Variants in WWOX observed in about 807,000 individuals in gnomAD.
WWOX encodes the protein WW domain containing oxidoreductase.
A neutral mutation model predicts 46.2 loss-of-function variants in WWOX; 69 were observed. That is an observed-to-expected ratio of 1.49 (90% confidence interval 1.23 to 1.82). The LOEUF (loss-of-function observed/expected upper bound fraction) is 1.82, where lower values mean the gene tolerates loss of function less well. Among genes scored for constraint, WWOX ranks in the 40% most tolerant of loss-of-function variants. The pLI is 0.00. For missense variants in WWOX, 919 were observed against 542.6 expected (o/e 1.69, Z -6.89); for synonymous variants, 359 against 202.6 (o/e 1.77, Z -6.56).
At chr16:78,662,883 C>A (rs2047249875) in intron 8 of WWOX, among the ~76,000 whole-genome samples, 1 of 152,134 alleles carries the variant, frequency 6.6e-6, no homozygotes, top group Non-Finnish European at 1.5e-5. Context: ...TGTAACGTGG[C>A]AGCTGACTTT....
At chr16:78,291,822 C>G (rs2079863511) in intron 5 of WWOX, among the ~76,000 whole-genome samples, 1 of 152,156 alleles carries the variant, frequency 6.6e-6, no homozygotes, top group Admixed American at 6.5e-5. Flanking sequence ...TGAAACCAGG[C>G]AAGAAGCCAT....
At chr16:78,182,569 C>T (rs1299291840) in intron 5 of WWOX, among the ~76,000 whole-genome samples, 3 of 152,018 alleles carry the variant, frequency 2.0e-5, no homozygotes, top group Non-Finnish European at 4.4e-5. Flanking sequence ...CCTGCCCTCC[C>T]TTCCTTCTTT....
At chr16:78,654,883 G>A (rs576706529) in intron 8 of WWOX, among the ~76,000 whole-genome samples, 220 of 151,886 alleles carry the variant, frequency 1.4e-3, no homozygotes, top group Non-Finnish European at 2.0e-3. Context: ...TTTCTTGGTG[G>A]GGGGGATGCA....
intron 4 of WWOX, among the ~76,000 whole-genome samples, chr16:78,152,785 C>T (rs1293541440): frequency 3.9e-5 from 6 of 152,234 alleles, no homozygotes; most frequent in Admixed American, 3.9e-4. Flanking sequence ...ATTTATTGTA[C>T]AGCTTTACAA....
intron 8 of WWOX, among the ~76,000 whole-genome samples, chr16:78,628,676 A>G (rs1283280188): frequency 2.0e-5 from 3 of 151,796 alleles, no homozygotes; most frequent in Admixed American, 2.0e-4. Context: ...CACCATGGTC[A>G]CTCCGTGCTT....
chr16:79,071,465 C>G (rs2048549751), intron 8 of WWOX, among the ~76,000 whole-genome samples: 1 of 152,188 alleles, frequency 6.6e-6, no homozygotes, highest in Non-Finnish European at 1.5e-5. Context: ...ACCAATTACC[C>G]AAACCAAGTT....
chr16:78,866,449 C>G (rs1214754273), intron 8 of WWOX, among the ~76,000 whole-genome samples: 2 of 145,210 alleles, frequency 1.4e-5, no homozygotes, highest in Non-Finnish European at 3.0e-5. Flanking sequence ...TTTTTTTTTT[C>G]TTGCATATCA....
intron 8 of WWOX, among the ~76,000 whole-genome samples, chr16:78,554,400 C>T (rs753665161): frequency 6.6e-6 from 1 of 152,106 alleles, no homozygotes; most frequent in East Asian, 1.9e-4. Context: ...AAAATTGCAA[C>T]CTGAGGCATA....
At chr16:78,791,459 G>C (rs910987477) in intron 8 of WWOX, among the ~76,000 whole-genome samples, 3 of 152,180 alleles carry the variant, frequency 2.0e-5, no homozygotes, top group African/African-American at 7.2e-5. Context: ...AGGGCTGGCT[G>C]AGTGACTCCT....
intron 5 of WWOX, among the ~76,000 whole-genome samples, chr16:78,168,969 A>G (rs1005522207): frequency 6.6e-6 from 1 of 152,242 alleles, no homozygotes. Context: ...TAACATGGAC[A>G]GTACAGAAGT....
At chr16:78,776,419 G>C (rs9934620) in intron 8 of WWOX, among the ~76,000 whole-genome samples, 41,285 of 151,920 alleles carry the variant, frequency 0.27, 6,150 homozygotes, top group South Asian at 0.38. Flanking sequence ...CCTACTGTTC[G>C]TCAGTTTTCT....
At chr16:78,627,108 CT>C (rs536364835) in intron 8 of WWOX, among the ~76,000 whole-genome samples, 75 of 152,056 alleles carry the variant, frequency 4.9e-4, no homozygotes, top group Non-Finnish European at 7.2e-4. Flanking sequence ...CCATATTCTT[CT>C]TTTTTTTGTT....
intron 4 of WWOX, among the ~76,000 whole-genome samples, chr16:78,129,022 TC>T (rs1419883920): frequency 3.9e-5 from 6 of 152,170 alleles, no homozygotes; most frequent in African/African-American, 1.4e-4. Context: ...CTGTAGTAGA[TC>T]CATATGGGGA....
At chr16:78,598,317 A>G (rs1220224374) in intron 8 of WWOX, among the ~76,000 whole-genome samples, 2 of 152,200 alleles carry the variant, frequency 1.3e-5, no homozygotes, top group Non-Finnish European at 2.9e-5. Context: ...GATGTGTAAG[A>G]CTGTCTGTCA....
chr16:78,773,399 G>T (rs569066014), intron 8 of WWOX, among the ~76,000 whole-genome samples: 1 of 152,306 alleles, frequency 6.6e-6, no homozygotes, highest in Admixed American at 6.5e-5. Context: ...CCACCCATGG[G>T]TAAGTCATTG....
intron 8 of WWOX, among the ~76,000 whole-genome samples, chr16:78,507,114 G>A (rs1361863380): frequency 6.6e-6 from 1 of 152,182 alleles, no homozygotes; most frequent in African/African-American, 2.4e-5. Context: ...GATAGACTTT[G>A]ATAGTGTTCT....
intron 4 of WWOX, among the ~76,000 whole-genome samples, chr16:78,125,270 G>T (rs148673856): frequency 6.6e-6 from 1 of 152,302 alleles, no homozygotes; most frequent in African/African-American, 2.4e-5. Flanking sequence ...ACGTGCTTGA[G>T]ATCATACAGG....
intron 8 of WWOX, among the ~76,000 whole-genome samples, chr16:79,175,539 G>A (rs2050783398): frequency 6.6e-6 from 1 of 152,156 alleles, no homozygotes; most frequent in Non-Finnish European, 1.5e-5. Flanking sequence ...ACTTGTCCTT[G>A]TTTTGATCTT....
At chr16:78,922,904 C>G (rs1479569482) in intron 8 of WWOX, among the ~76,000 whole-genome samples, 1 of 151,934 alleles carries the variant, frequency 6.6e-6, no homozygotes, top group Non-Finnish European at 1.5e-5. Flanking sequence ...GAACTTAAAA[C>G]TAAATTTTTA....
Sources: gnomAD v4.1 joint callset for allele counts (sites outside exome capture counted in the v4.1 genomes callset) on GRCh38, gnomAD v4.1.1 for gene constraint, MANE v1.5 for transcripts, NCBI Gene and HGNC (gene_info 2026-07-23, HGNC 2026-07-21) for gene names.